ABCA1: variants seen among roughly 807,000 people sequenced by gnomAD.
ABCA1 encodes the protein phospholipid-transporting ATPase ABCA1.
In ABCA1, 133 loss-of-function variants were observed where a neutral mutation model predicts 262.5. That is an observed-to-expected ratio of 0.51 (90% CI 0.44 to 0.59). ABCA1 has a LOEUF of 0.59. Among genes scored for constraint, ABCA1 ranks in the 20% least tolerant of loss-of-function variants. ABCA1 has a pLI of 0.00. For synonymous variants in ABCA1, 1,022 were observed against 1,043.5 expected (o/e 0.98, Z 0.40); for missense variants, 2,452 against 2,777.5 (o/e 0.88, Z 2.63).
Position 104,821,194 on chromosome 9 carries a change from G to C in ABCA1, c.2960+181C>G, listed in dbSNP as rs181823085. Among the ~76,000 whole-genome samples the C allele has an allele frequency of 9.9e-5, 15 of 152,236 alleles. No individual in the cohort carries two copies. In the East Asian group the frequency reaches 2.7e-3, roughly 27 times the overall value. On this transcript the variant is annotated intron_variant, in intron 20 of 49. Transcript: ENST00000374736. ...GGAGGCCAAGGTTGCAGTGAGCCGA[G>C]ATCGCGCCACTACAGTCCAGCCTGG...
chr9:104,919,144 G>T lies in ABCA1; in HGVS notation c.-93+8791C>A, dbSNP rs12347523. The stretch of plus-strand genomic sequence containing the variant: ...GCTTTAGAAAGCTTTGTGTCTTACC[G>T]ACCTACCCCCAGTGAGGGTCTTCTG... On this transcript the variant is annotated intron_variant, in intron 1 of 49. Coordinates refer to ENST00000374736, the MANE Select transcript of ABCA1 (RefSeq NM_005502.4). Among the ~76,000 whole-genome samples the T allele has an allele frequency of 2.0e-5, 3 of 152,020 alleles. No homozygotes were observed. The South Asian group carries it at 6.2e-4, about 32-fold the overall frequency.
intron 7 of ABCA1, among the ~76,000 whole-genome samples, chr9:104,852,485 A>C: frequency 6.6e-6 from 1 of 152,338 alleles, no homozygotes; most frequent in South Asian, 2.1e-4. Context: ...AAATACATCT[A>C]CTACCACATA....
At chr9:104,791,747 T>C (rs1378119339) in intron 43 of ABCA1, among the ~76,000 whole-genome samples, 189 bp downstream of exon 43, 1 of 152,196 alleles carries the variant, frequency 6.6e-6, no homozygotes, top group Non-Finnish European at 1.5e-5. Flanking sequence ...TTAAATTGTA[T>C]TGGATTCTCT....
chr9:104,796,136 AGGCTGT>A lies in ABCA1; in HGVS notation c.5293_5298del (p.Thr1765_Ala1766del). 1 of 1,614,022 alleles carries A rather than the reference AGGCTGT, an allele frequency of 6.2e-7. No individual in the cohort carries two copies. Among genetic ancestry groups the A allele is most frequent in the Non-Finnish European group, 8.5e-7 (1 of 1,180,032 alleles). On this transcript the variant is annotated inframe_deletion, in exon 39 of 50. Transcript: ENST00000374736. The stretch of plus-strand genomic sequence containing the variant: ...AGGTTCACGCTGGTGAGCACCACAT[AGGCTGT>A]GCTGGGGATCTTGAACACAAAGGAG...
chr9:104,837,663 C>T, intron 9 of ABCA1, 96 bp from the exon 10 acceptor site: 1 of 1,416,556 alleles, frequency 7.1e-7, no homozygotes. Context: ...TAGTTGAAAC[C>T]CCAGCTCTAC....
At chr9:104,926,873 C>G (rs1172411730) in intron 1 of ABCA1, among the ~76,000 whole-genome samples, 1 of 152,170 alleles carries the variant, frequency 6.6e-6, no homozygotes, top group Admixed American at 6.5e-5. Flanking sequence ...ATTGGGCACC[C>G]CACCTCCGGG....
chr9:104,851,497 T>C, intron 7 of ABCA1, among the ~76,000 whole-genome samples: 1 of 152,196 alleles, frequency 6.6e-6, no homozygotes, highest in East Asian at 1.9e-4. Context: ...TTCCCTCTCC[T>C]CTCTGGACCA....
rs746868562 is a variant in ABCA1 at position 104,814,238 on chromosome 9, G to C, written c.3788-7C>G. 1.2e-6 allele frequency: 2 copies of C among 1,613,702 alleles called. No homozygotes were observed. Among genetic ancestry groups the C allele is most frequent in the Non-Finnish European group, 8.5e-7 (1 of 1,179,580 alleles). On this transcript the variant is annotated splice_region_variant and splice_polypyrimidine_tract_variant and intron_variant, in intron 26 of 49. Transcript: ENST00000374736. ...CTTGCTGGCAAGGTACCATCTGAAG[G>C]CACAAGGAAAGAATCCCATACTTTA...
rs993692908 is a variant in ABCA1 at position 104,821,448 on chromosome 9, C to T, written c.2887G>A (p.Asp963Asn). Residue 963 changes from aspartate to asparagine, a missense_variant, in exon 20 of 50, where the codon GAC becomes AAC. This residue lies in a region of ABCA1 where 665 missense variants were observed against 727.3 expected (regional missense o/e 0.91). Coordinates refer to ENST00000374736, the MANE Select transcript of ABCA1 (RefSeq NM_005502.4). ...ATGGTGCTCATCTCAGAGCGAATGTCTTTTCCCAGGATGTAGGCGGTGCCC... is the reference window on the plus strand; with the variant it reads ...ATGGTGCTCATCTCAGAGCGAATGTTTTTTCCCAGGATGTAGGCGGTGCCC... ...TSGTAYILGKDIRSEMSTIRQ... is the reference protein window; with the variant it reads ...TSGTAYILGKNIRSEMSTIRQ... 1.9e-6 allele frequency: 3 copies of T among 1,614,018 alleles called. No homozygotes were observed. The highest frequency in any genetic ancestry group is 1.3e-5 in the African/African-American group (1 of 74,914).
intron 44 of ABCA1, among the ~76,000 whole-genome samples, 155 bp from the exon 45 acceptor site, chr9:104,788,722 T>TGCTA (rs1829144588): frequency 6.6e-6 from 1 of 152,218 alleles, no homozygotes; most frequent in Admixed American, 6.5e-5. Flanking sequence ...GCCCCCAGGA[T>TGCTA]GCTAGCTCTT....
chr9:104,860,961 G>C (rs1588432225), intron 6 of ABCA1, among the ~76,000 whole-genome samples: 2 of 152,046 alleles, frequency 1.3e-5, no homozygotes, highest in East Asian at 3.9e-4. Flanking sequence ...TTGCCATGTT[G>C]GCCAGGATGG....
chr9:104,829,395 C>T (rs1041446458), intron 14 of ABCA1, among the ~76,000 whole-genome samples: 1 of 152,048 alleles, frequency 6.6e-6, no homozygotes, highest in African/African-American at 2.4e-5. Flanking sequence ...TAACTGTGAG[C>T]GATACTTAAA....
chr9:104,807,268 G>T (rs1286066947), intron 30 of ABCA1, among the ~76,000 whole-genome samples: 1 of 152,142 alleles, frequency 6.6e-6, no homozygotes, highest in Non-Finnish European at 1.5e-5. Context: ...GGGTGAGAAT[G>T]CTCGTCACAT....
intron 5 of ABCA1, among the ~76,000 whole-genome samples, chr9:104,867,475 GTGGCTTTGGCGGCTAAGTTGAGA>G (rs1268984636): frequency 6.6e-6 from 1 of 152,218 alleles, no homozygotes; most frequent in African/African-American, 2.4e-5. Context: ...AGACACAGAA[GTGGCTTTGGCGGCTAAGTTGAGA>G]TGTTGAATTT....
chr9:104,824,431 G>A (rs768754346), intron 18 of ABCA1, 34 bp downstream of exon 18: 3 of 1,613,532 alleles, frequency 1.9e-6, no homozygotes, highest in Admixed American at 1.7e-5. Flanking sequence ...GCAGCACTAG[G>A]TTAAAGAAAG....
Position 104,782,152 on chromosome 9 carries a change from T to C in ABCA1, c.*2163A>G, listed in dbSNP as rs1828583182. The stretch of plus-strand genomic sequence containing the variant: ...TAGTAAAATGAGGAAACCATAACTT[T>C]GATTTTGAAAAATATTAAATGAGGA... On this transcript the variant is annotated 3_prime_UTR_variant, in exon 50 of 50. Coordinates refer to ENST00000374736, the MANE Select transcript of ABCA1 (RefSeq NM_005502.4). The C allele has an allele frequency of 2.0e-5, 3 of 152,112 alleles. No homozygotes were observed. The highest frequency in any genetic ancestry group is 4.4e-5 in the Non-Finnish European group (3 of 67,966). 9.4% of individuals were successfully genotyped at this position (152,112 alleles called of 1,614,324 possible).
intron 5 of ABCA1, among the ~76,000 whole-genome samples, chr9:104,874,704 C>T (rs1478151539): frequency 6.6e-6 from 1 of 152,208 alleles, no homozygotes; most frequent in African/African-American, 2.4e-5. Context: ...GCCTGACCAA[C>T]ATGGTAAAAC....
chr9:104,890,439 G>A (rs891176577), intron 2 of ABCA1, among the ~76,000 whole-genome samples: 11 of 152,022 alleles, frequency 7.2e-5, no homozygotes, highest in African/African-American at 2.7e-4. Flanking sequence ...AAAGTAGCTG[G>A]GCATAGTGGT....
At chr9:104,906,750 C>CAAAAAAAAA (rs35167860) in intron 1 of ABCA1, among the ~76,000 whole-genome samples, 1 of 83,030 alleles carries the variant, frequency 1.2e-5, no homozygotes, top group South Asian at 4.0e-4. Flanking sequence ...AAACCAAAAT[C>CAAAAAAAAA]AAAAAAAAAA....
Sources: allele counts gnomAD v4.1 joint callset (sites outside exome capture counted in the v4.1 genomes callset), GRCh38; gene constraint gnomAD v4.1.1; regional missense constraint gnomAD v4.1.1; transcripts MANE v1.5; gene names NCBI Gene and HGNC (gene_info 2026-07-23, HGNC 2026-07-21).